CLNK: variants seen among roughly 807,000 people sequenced by gnomAD.
The protein encoded by CLNK is cytokine-dependent hematopoietic cell linker.
In CLNK, 74 loss-of-function variants were observed where a neutral mutation model predicts 68.6. That is an observed-to-expected ratio of 1.08 (90% confidence interval 0.89 to 1.31). The LOEUF is 1.31. Ranked by LOEUF, CLNK falls within the 50% of genes most tolerant of loss-of-function variation. The pLI is 0.00. For missense variants in CLNK, 553 were observed against 515.3 expected (o/e 1.07, Z -0.71); for synonymous variants, 198 against 172.2 (o/e 1.15, Z -1.17).
the CLNK span, among the ~76,000 whole-genome samples, chr4:10,689,785 T>C: frequency 7.4e-6 from 1 of 135,844 alleles, no homozygotes; most frequent in Non-Finnish European, 1.5e-5. Context: ...AGTGGAAACC[T>C]GTGTTAATTA....
chr4:10,660,017 A>G (rs1724132218), intron 2 of CLNK, among the ~76,000 whole-genome samples: 1 of 152,222 alleles, frequency 6.6e-6, no homozygotes, highest in South Asian at 2.1e-4. Flanking sequence ...TTTGGACTTC[A>G]TGGCTAAAAT....
intron 2 of CLNK, among the ~76,000 whole-genome samples, chr4:10,599,492 TG>T (rs1222247917): frequency 1.3e-4 from 20 of 152,238 alleles, no homozygotes; most frequent in African/African-American, 4.3e-4. Flanking sequence ...CATTATTCAT[TG>T]TTTTTTTTCT....
the CLNK span, among the ~76,000 whole-genome samples, chr4:10,723,616 G>T: frequency 5.7e-3 from 872 of 152,086 alleles, 6 homozygotes; most frequent in African/African-American, 0.02. Context: ...TCATTTTTGC[G>T]TTTCTATCCA....
At position 10,490,376 on chromosome 4, in the gene CLNK, T is replaced by A; in HGVS notation, c.*91A>T. ...CTTTTCTCCAAAGTTAAAAAAGTTG[T>A]CCCTTGAAGGCACAGAAAATAAACT... On this transcript the variant is annotated 3_prime_UTR_variant, in exon 19 of 19. Transcript: ENST00000226951. 7.3e-7 allele frequency: 1 copy of A among 1,361,148 alleles called. No individual in the cohort carries two copies. Among genetic ancestry groups the A allele is most frequent in the Non-Finnish European group, 9.9e-7 (1 of 1,008,554 alleles). The allele number at this position is 1,361,148 out of a possible 1,614,324, so 84.3% of individuals were successfully genotyped here.
At chr4:10,514,247 C>T (rs1365425085) in intron 15 of CLNK, among the ~76,000 whole-genome samples, 8 of 146,594 alleles carry the variant, frequency 5.5e-5, no homozygotes, top group African/African-American at 2.0e-4. Context: ...TTTTCTTAAT[C>T]CAGTCTATCA....
At position 10,542,251 on chromosome 4, in the gene CLNK, T is replaced by C; in HGVS notation, c.471+4A>G. 6.6e-7 allele frequency: 1 copy of C among 1,518,844 alleles called. No individual in the cohort carries two copies. Among genetic ancestry groups the C allele is most frequent in the Non-Finnish European group, 9.0e-7 (1 of 1,110,712 alleles). The allele number at this position is 1,518,844 out of a possible 1,614,324, so 94.1% of individuals were successfully genotyped here. On this transcript the variant is annotated splice_donor_region_variant and intron_variant, in intron 9 of 18. Transcript: ENST00000226951. ...AACAAATGCATTTTATTGATTTCTC[T>C]TACCTTGTTCTTTCTTACGGATGCA...
At chr4:10,720,920 G>A in the CLNK span, among the ~76,000 whole-genome samples, 2 of 151,982 alleles carry the variant, frequency 1.3e-5, no homozygotes, top group African/African-American at 4.8e-5. Flanking sequence ...AACAATGCAA[G>A]TGTCCTTCAG....
chr4:10,496,902 C>T (rs1307068081), intron 18 of CLNK, among the ~76,000 whole-genome samples: 1 of 152,132 alleles, frequency 6.6e-6, no homozygotes, highest in Non-Finnish European at 1.5e-5. Flanking sequence ...GCTCTTGAGC[C>T]CCTATGCCGG....
At chr4:10,714,252 C>T in the CLNK span, among the ~76,000 whole-genome samples, 1 of 152,150 alleles carries the variant, frequency 6.6e-6, no homozygotes, top group Non-Finnish European at 1.5e-5. Context: ...CACAGTAAAG[C>T]AAGATTATAC....
intron 9 of CLNK, 51 bp from the exon 10 acceptor site, chr4:10,542,092 G>A: frequency 1.4e-6 from 2 of 1,452,450 alleles, no homozygotes; most frequent in South Asian, 1.2e-5. Flanking sequence ...TGTGAGCAGG[G>A]CCAATGGCTA....
intron 17 of CLNK, among the ~76,000 whole-genome samples, chr4:10,506,973 T>C (rs1354010270): frequency 6.6e-6 from 1 of 151,108 alleles, no homozygotes; most frequent in Non-Finnish European, 1.5e-5. Flanking sequence ...CCAATTTTTT[T>C]TTTTGGTATT....
At chr4:10,652,381 CAA>C (rs67304153) in intron 2 of CLNK, among the ~76,000 whole-genome samples, 6 of 50,742 alleles carry the variant, frequency 1.2e-4, no homozygotes, top group Admixed American at 3.1e-4. Flanking sequence ...GACTCTGTCT[CAA>C]AAAAAAAAAA....
At chr4:10,734,283 C>G in the CLNK span, among the ~76,000 whole-genome samples, 31,399 of 152,214 alleles carry the variant, frequency 0.21, 3,956 homozygotes, top group East Asian at 0.34. Context: ...TGCTATAAAT[C>G]TACGATTGAT....
chr4:10,659,230 A>C (rs1188903794), intron 2 of CLNK, among the ~76,000 whole-genome samples: 1 of 152,222 alleles, frequency 6.6e-6, no homozygotes. Context: ...CACACAAAAA[A>C]ATGGTAATTG....
intron 3 of CLNK, among the ~76,000 whole-genome samples, chr4:10,586,615 A>T (rs1720980944): frequency 1.3e-5 from 2 of 152,068 alleles, no homozygotes; most frequent in African/African-American, 4.8e-5. Context: ...GCCCAGCTTG[A>T]ATCTTTCTAT....
chr4:10,510,197 A>T (rs1291676482), intron 16 of CLNK, among the ~76,000 whole-genome samples: 1 of 152,176 alleles, frequency 6.6e-6, no homozygotes, highest in African/African-American at 2.4e-5. Context: ...TGGTGCTCAG[A>T]AACTGAACTA....
the CLNK span, among the ~76,000 whole-genome samples, chr4:10,720,407 T>C: frequency 6.6e-6 from 1 of 151,790 alleles, no homozygotes. Flanking sequence ...ATGAAAAAAA[T>C]TAAATTAGAA....
chr4:10,598,815 C>G (rs1334271597), intron 2 of CLNK: 2 of 299,124 alleles, frequency 6.7e-6, no homozygotes, highest in Non-Finnish European at 1.4e-5. Flanking sequence ...GATTTTTTTC[C>G]TCCACAAATG....
At chr4:10,558,895 G>T (rs1719782114) in intron 7 of CLNK, among the ~76,000 whole-genome samples, 2 of 152,132 alleles carry the variant, frequency 1.3e-5, no homozygotes, top group South Asian at 2.1e-4. Context: ...TCCACCTCCA[G>T]CTCGTGCTGA....
Sources: gnomAD v4.1 joint callset for allele counts (sites outside exome capture counted in the v4.1 genomes callset) on GRCh38, gnomAD v4.1.1 for gene constraint, MANE v1.5 for transcripts, NCBI Gene and HGNC (gene_info 2026-07-23, HGNC 2026-07-21) for gene names.